F13A1: variants seen among roughly 807,000 people sequenced by gnomAD.
F13A1 encodes FSF, A subunit.
F13A1 carries 47 observed loss-of-function variants against 80.1 expected under a neutral mutation model. The ratio of observed to expected loss-of-function variants is 0.59; its 90% confidence interval spans 0.46 to 0.75. F13A1 has a LOEUF of 0.75. Ranked by LOEUF, F13A1 falls within the 30% of genes least tolerant of loss-of-function variation. The probability of loss-of-function intolerance (pLI) is 0.00; values close to 1 mark genes in which losing one functional copy is unlikely to be tolerated. For synonymous variants in F13A1, 349 were observed against 344.9 expected, an observed-to-expected ratio of 1.01 and a Z score of -0.13; for missense variants, 817 against 930.4, an observed-to-expected ratio of 0.88 and a Z score of 1.59.
chr6:6,150,178 A>AGTTG (rs1760348935), intron 14 of F13A1, among the ~76,000 whole-genome samples: 1 of 152,116 alleles, frequency 6.6e-6, no homozygotes, highest in African/African-American at 2.4e-5. Flanking sequence ...GGAAGGAAAA[A>AGTTG]GTTGGATACA....
intron 6 of F13A1, among the ~76,000 whole-genome samples, chr6:6,226,525 G>A (rs1025675744): frequency 6.6e-6 from 1 of 152,192 alleles, no homozygotes; most frequent in Non-Finnish European, 1.5e-5. Context: ...AAAACATGGT[G>A]AGCTTTTATG....
intron 13 of F13A1, among the ~76,000 whole-genome samples, chr6:6,152,984 C>T (rs1435826494): frequency 1.3e-5 from 2 of 152,224 alleles, no homozygotes; most frequent in East Asian, 1.9e-4. Flanking sequence ...TTGCAAGGCA[C>T]ATGGCAAAGG....
intron 8 of F13A1, among the ~76,000 whole-genome samples, chr6:6,218,388 G>A (rs537777646): frequency 4.9e-4 from 74 of 152,258 alleles, no homozygotes; most frequent in Non-Finnish European, 3.8e-4. Flanking sequence ...TAAACATTGA[G>A]CAAGCGTCTT....
intron 6 of F13A1, among the ~76,000 whole-genome samples, chr6:6,230,622 G>A (rs1757337899): frequency 6.6e-6 from 1 of 152,138 alleles, no homozygotes; most frequent in African/African-American, 2.4e-5. Flanking sequence ...CCACCTCCTG[G>A]CAGGGAGCCA....
At chr6:6,318,120 G>C (rs1361895842) in intron 2 of F13A1, among the ~76,000 whole-genome samples, 1 of 152,222 alleles carries the variant, frequency 6.6e-6, no homozygotes, top group Non-Finnish European at 1.5e-5. Context: ...AGGGAGGAGG[G>C]AGAAGGAAGG....
At chr6:6,260,861 A>T (rs1351295995) in intron 4 of F13A1, among the ~76,000 whole-genome samples, 1 of 152,174 alleles carries the variant, frequency 6.6e-6, no homozygotes, top group Non-Finnish European at 1.5e-5. Flanking sequence ...GAACAGTAGG[A>T]GAGAGAGAAG....
chr6:6,219,382 A>T (rs1198990819), intron 8 of F13A1, among the ~76,000 whole-genome samples: 1 of 150,592 alleles, frequency 6.6e-6, no homozygotes, highest in Non-Finnish European at 1.5e-5. Context: ...CCTGCTTCTT[A>T]CCAGTGACCA....
intron 2 of F13A1, among the ~76,000 whole-genome samples, chr6:6,311,207 C>G (rs1288656711): frequency 6.6e-6 from 1 of 152,138 alleles, no homozygotes; most frequent in Non-Finnish European, 1.5e-5. Flanking sequence ...CCTCCTTTCA[C>G]CTGAACACCT....
chr6:6,205,929 T>C (rs1870309), intron 8 of F13A1, among the ~76,000 whole-genome samples: 152,237 of 152,358 alleles, frequency 1, 76,058 homozygotes, highest in East Asian at 1. Flanking sequence ...TGGGTTCCCT[T>C]TGCTGGGTTC....
At chr6:6,297,141 C>A (rs1020149600) in intron 3 of F13A1, among the ~76,000 whole-genome samples, 3 of 149,438 alleles carry the variant, frequency 2.0e-5, no homozygotes, top group Admixed American at 6.6e-5. Context: ...CTGCTGGATT[C>A]GGTTTGCCAG....
intron 1 of F13A1, 23 bp from the exon 2 acceptor site, chr6:6,318,705 A>G: frequency 6.3e-7 from 1 of 1,597,210 alleles, no homozygotes; most frequent in Non-Finnish European, 8.5e-7. Context: ...AAAAAAAAGA[A>G]GACAACAGAA....
intron 10 of F13A1, among the ~76,000 whole-genome samples, chr6:6,184,263 T>C (rs1761039122): frequency 6.6e-6 from 1 of 152,226 alleles, no homozygotes; most frequent in Admixed American, 6.5e-5. Flanking sequence ...GGCTAGGAGC[T>C]GCTGGAGAAG....
chr6:6,225,132 C>T (rs1757258074), intron 6 of F13A1, among the ~76,000 whole-genome samples: 1 of 152,184 alleles, frequency 6.6e-6, no homozygotes, highest in Admixed American at 6.5e-5. Context: ...AGTGTGACAC[C>T]TACCGGATTG....
At chr6:6,301,293 G>A (rs1388019062) in intron 3 of F13A1, among the ~76,000 whole-genome samples, 2 of 152,170 alleles carry the variant, frequency 1.3e-5, no homozygotes, top group East Asian at 3.8e-4. Context: ...CTCTGATCAA[G>A]ATAAATCCTC....
At chr6:6,314,830 C>G (rs1758656889) in intron 2 of F13A1, among the ~76,000 whole-genome samples, 1 of 152,226 alleles carries the variant, frequency 6.6e-6, no homozygotes, top group South Asian at 2.1e-4. Context: ...AAAGGAGGAA[C>G]TGCTGCTGGA....
At chr6:6,280,186 T>A (rs551582746) in intron 3 of F13A1, among the ~76,000 whole-genome samples, 1 of 152,190 alleles carries the variant, frequency 6.6e-6, no homozygotes, top group Non-Finnish European at 1.5e-5. Flanking sequence ...TACTAGTGCT[T>A]ATGATGAGCA....
chr6:6,197,239 G>A lies in F13A1; in HGVS notation c.1200C>T (p.Pro400=). 6.2e-7 allele frequency: 1 copy of A among 1,614,134 alleles called. No homozygotes were observed. Among genetic ancestry groups the A allele is most frequent in the Non-Finnish European group, 8.5e-7 (1 of 1,180,004 alleles). The part of the protein sequence containing the change: ...FGGWQAVDST[P]QENSDGMYRC... ...CAGTTTTACCATCGCTATTTTCCTGGGGGGTGCTGTCCACAGCTTGCCAGC... is the reference window on the plus strand; with the variant it reads ...CAGTTTTACCATCGCTATTTTCCTGAGGGGTGCTGTCCACAGCTTGCCAGC... Residue 400 remains proline, a synonymous_variant, in exon 9 of 15, where the codon CCC becomes CCT. Transcript: ENST00000264870.
chr6:6,179,939 C>T (rs187010237), intron 11 of F13A1, among the ~76,000 whole-genome samples: 3 of 152,196 alleles, frequency 2.0e-5, no homozygotes, highest in Admixed American at 6.5e-5. Flanking sequence ...TTTAGTCTTT[C>T]CTCTCGTGGC....
intron 3 of F13A1, among the ~76,000 whole-genome samples, chr6:6,292,568 A>G (rs993741268): frequency 1.1e-4 from 16 of 152,216 alleles, no homozygotes. Flanking sequence ...AATGAGAATC[A>G]TCCATGTCAC....
Sources: gnomAD v4.1 joint callset for allele counts (sites outside exome capture counted in the v4.1 genomes callset) on GRCh38, gnomAD v4.1.1 for gene constraint, MANE v1.5 for transcripts, NCBI Gene and HGNC (gene_info 2026-07-23, HGNC 2026-07-21) for gene names.